The following COX7B2 variants were observed in gnomAD, a reference collection of about 807,000 sequenced individuals.
The protein encoded by COX7B2 is cytochrome c oxidase subunit 7B2.
For synonymous variants in COX7B2, 37 were observed against 32.1 expected (o/e 1.15, Z -0.51); for missense variants, 109 against 95.9 (o/e 1.14, Z -0.57).
chr4:46,907,609 T>C (rs1180416753), intron 1 of COX7B2, among the ~76,000 whole-genome samples: 1 of 152,046 alleles, frequency 6.6e-6, no homozygotes, highest in Non-Finnish European at 1.5e-5. Flanking sequence ...ACTCCGTAAT[T>C]TGATATCCAT....
chr4:46,793,107 C>A (rs2109591789), intron 2 of COX7B2, among the ~76,000 whole-genome samples: 1 of 152,286 alleles, frequency 6.6e-6, no homozygotes, highest in East Asian at 1.9e-4. Flanking sequence ...GGAGAGATTT[C>A]TCTTGTAGAC....
intron 2 of COX7B2, among the ~76,000 whole-genome samples, chr4:46,833,851 G>T (rs1362758026): frequency 6.6e-6 from 1 of 152,170 alleles, no homozygotes; most frequent in African/African-American, 2.4e-5. Flanking sequence ...ATGGTGGGTT[G>T]ACAGAAATGT....
chr4:46,766,165 A>T (rs1021877420), intron 2 of COX7B2, among the ~76,000 whole-genome samples: 5 of 152,342 alleles, frequency 3.3e-5, no homozygotes, highest in Non-Finnish European at 5.9e-5. Flanking sequence ...AAACAAAAGG[A>T]TGTTAATTAA....
rs1164269451 is a variant in COX7B2 at position 46,867,081 on chromosome 4, G to A, written c.-104-22067C>T. ...CTCTTAGTAAAGTTTGTGTCTTCCA[G>A]ATTACAACAATTCCATTTAAAGACA... On this transcript the variant is annotated intron_variant, in intron 1 of 2. Coordinates refer to ENST00000355591, the MANE Select transcript of COX7B2 (RefSeq NM_130902.3). Among the ~76,000 whole-genome samples, 7 of 152,206 alleles carry A rather than the reference G, an allele frequency of 4.6e-5. No individual in the cohort carries two copies. The East Asian group carries it at 7.7e-4, about 17-fold the overall frequency.
chr4:46,794,688 GC>G (rs1718228788), intron 2 of COX7B2, among the ~76,000 whole-genome samples: 1 of 152,134 alleles, frequency 6.6e-6, no homozygotes, highest in Non-Finnish European at 1.5e-5. Flanking sequence ...GCACTCAACT[GC>G]CAAAGACAAG....
At chr4:46,773,983 C>T (rs1717022630) in intron 2 of COX7B2, among the ~76,000 whole-genome samples, 1 of 152,042 alleles carries the variant, frequency 6.6e-6, no homozygotes, top group Admixed American at 6.6e-5. Context: ...TTAGGCTGAC[C>T]TGAATATTTC....
intron 2 of COX7B2, among the ~76,000 whole-genome samples, chr4:46,806,465 G>A (rs911669480): frequency 6.6e-6 from 1 of 151,902 alleles, no homozygotes; most frequent in African/African-American, 2.4e-5. Context: ...ATGATATTAT[G>A]AGGCTAAAAA....
Position 46,793,428 on chromosome 4 carries a change from G to GT in COX7B2, c.-50+51531dup, listed in dbSNP as rs377022586. Among the ~76,000 whole-genome samples, 255 of 152,274 alleles carry GT rather than the reference G, an allele frequency of 1.7e-3. 2 individuals are homozygous for GT. The Middle Eastern group carries it at 0.02, about 12-fold the overall frequency. ...GGCTGATGCCCTTTGGATTTAGGCG[G>GT]TTTTTTATTAAGGTGAACTTTAGAA... On this transcript the variant is annotated intron_variant, in intron 2 of 2. Transcript: ENST00000355591.
chr4:46,822,119 G>C (rs528307325), intron 2 of COX7B2, among the ~76,000 whole-genome samples: 9 of 152,234 alleles, frequency 5.9e-5, no homozygotes, highest in African/African-American at 2.2e-4. Flanking sequence ...CACCATGTTG[G>C]CCAGGATAGT....
intron 2 of COX7B2, among the ~76,000 whole-genome samples, chr4:46,834,282 T>C (rs1289434478): frequency 6.6e-6 from 1 of 152,044 alleles, no homozygotes; most frequent in Non-Finnish European, 1.5e-5. Context: ...GTTCAGATGG[T>C]AATACAAACA....
intron 2 of COX7B2, among the ~76,000 whole-genome samples, chr4:46,774,677 C>A (rs1172836219): frequency 1.3e-5 from 2 of 151,810 alleles, no homozygotes; most frequent in Non-Finnish European, 2.9e-5. Context: ...TTCTCTGATA[C>A]CTACTTTACT....
intron 2 of COX7B2, among the ~76,000 whole-genome samples, chr4:46,756,682 CAT>C (rs1428141003): frequency 6.6e-6 from 1 of 151,848 alleles, no homozygotes; most frequent in Non-Finnish European, 1.5e-5. Context: ...AGTCAACAAA[CAT>C]ATGAAAAAAT....
At chr4:46,880,295 A>G (rs1024838059) in intron 1 of COX7B2, among the ~76,000 whole-genome samples, 1 of 151,998 alleles carries the variant, frequency 6.6e-6, no homozygotes, top group Non-Finnish European at 1.5e-5. Flanking sequence ...TCATAGAAAG[A>G]GCTGAGGAAG....
chr4:46,872,581 A>G (rs1463824796), intron 1 of COX7B2, among the ~76,000 whole-genome samples: 1 of 152,198 alleles, frequency 6.6e-6, no homozygotes, highest in Non-Finnish European at 1.5e-5. Flanking sequence ...CCTGTCCTTC[A>G]TCATCATTGC....
At chr4:46,867,990 G>C (rs917493584) in intron 1 of COX7B2, among the ~76,000 whole-genome samples, 1 of 152,148 alleles carries the variant, frequency 6.6e-6, no homozygotes, top group Non-Finnish European at 1.5e-5. Flanking sequence ...ATCTGGCTGT[G>C]AATTCATCAG....
At chr4:46,880,311 C>T (rs1383095808) in intron 1 of COX7B2, among the ~76,000 whole-genome samples, 1 of 151,950 alleles carries the variant, frequency 6.6e-6, no homozygotes, top group Non-Finnish European at 1.5e-5. Flanking sequence ...GGAAGAGTCC[C>T]TCCTTCTCAG....
At chr4:46,893,180 A>G (rs10025240) in intron 1 of COX7B2, among the ~76,000 whole-genome samples, 36,918 of 152,098 alleles carry the variant, frequency 0.24, 4,687 homozygotes, top group East Asian at 0.29. Flanking sequence ...CAGGTTTCTT[A>G]GGTGTAGGAC....
intron 2 of COX7B2, among the ~76,000 whole-genome samples, chr4:46,783,142 C>T (rs1245520242): frequency 1.3e-5 from 2 of 152,094 alleles, no homozygotes; most frequent in African/African-American, 4.8e-5. Context: ...AGCTTTTTTT[C>T]CACTGTAAAG....
chr4:46,736,456 T>A (rs1206163306), intron 2 of COX7B2, among the ~76,000 whole-genome samples: 1 of 152,098 alleles, frequency 6.6e-6, no homozygotes, highest in African/African-American at 2.4e-5. Flanking sequence ...TGGTTTCATT[T>A]TTTTTTTTAC....
Sources: gnomAD v4.1 joint callset for allele counts (sites outside exome capture counted in the v4.1 genomes callset) on GRCh38, gnomAD v4.1.1 for gene constraint, MANE v1.5 for transcripts, NCBI Gene and HGNC (gene_info 2026-07-23, HGNC 2026-07-21) for gene names.